Variants in PTPRD observed in about 807,000 individuals in gnomAD.
PTPRD encodes receptor-type tyrosine-protein phosphatase delta.
Under a neutral mutation model 214.5 loss-of-function variants are expected in PTPRD, and 34 were observed. That is an observed-to-expected ratio of 0.16 (90% CI 0.12 to 0.21). The LOEUF (loss-of-function observed/expected upper bound fraction) is 0.21. Ranked by LOEUF, PTPRD falls within the 10% of genes least tolerant of loss-of-function variation. The pLI, the probability that PTPRD is intolerant of heterozygous loss-of-function variation, is 1.00. For missense variants in PTPRD, 2,545 were observed against 2,398.7 expected, an observed-to-expected ratio of 1.06 and a Z score of -1.27; for synonymous variants, 1,128 against 845.7, an observed-to-expected ratio of 1.33 and a Z score of -5.79.
chr9:9,891,438 C>A (rs1277093210), intron 5 of PTPRD, among the ~76,000 whole-genome samples: 1 of 151,190 alleles, frequency 6.6e-6, no homozygotes. Flanking sequence ...TGTCATTTAG[C>A]ATGTAGAGAA....
intron 14 of PTPRD, among the ~76,000 whole-genome samples, chr9:8,578,762 T>C (rs926379454): frequency 6.6e-6 from 1 of 152,238 alleles, no homozygotes; most frequent in Non-Finnish European, 1.5e-5. Context: ...CTGCATATAA[T>C]AGTTATTTAA....
chr9:8,750,515 CAG>C (rs2093412103), intron 11 of PTPRD, among the ~76,000 whole-genome samples: 1 of 151,842 alleles, frequency 6.6e-6, no homozygotes, highest in Non-Finnish European at 1.5e-5. Context: ...AGCAAGTTAA[CAG>C]GGGTAGAAAA....
intron 3 of PTPRD, among the ~76,000 whole-genome samples, chr9:10,289,171 T>C (rs1253311857): frequency 6.6e-6 from 1 of 152,148 alleles, no homozygotes; most frequent in African/African-American, 2.4e-5. Flanking sequence ...ATGAGGTAGG[T>C]TATACAAAGT....
In PTPRD at chr9:8,353,026, G is replaced by A. The variant is rs189184377; in HGVS notation, c.4662-11048C>T. On this transcript the variant is annotated intron_variant, in intron 39 of 45. Coordinates refer to ENST00000381196, the MANE Select transcript of PTPRD (RefSeq NM_002839.4). Reference sequence around the variant, plus strand: ...CTAGGGAGGCTGAGACAGGAGAATCGCTTGAACCCAGAAGGTGGAGGCTGC... The same window carrying A: ...CTAGGGAGGCTGAGACAGGAGAATCACTTGAACCCAGAAGGTGGAGGCTGC... Among the ~76,000 whole-genome samples, 22 of 152,184 alleles carry A rather than the reference G, an allele frequency of 1.4e-4. No homozygotes were observed. The East Asian group carries it at 4.1e-3, about 28-fold the overall frequency.
At chr9:8,584,631 T>C (rs960157275) in intron 14 of PTPRD, among the ~76,000 whole-genome samples, 1 of 152,218 alleles carries the variant, frequency 6.6e-6, no homozygotes, top group African/African-American at 2.4e-5. Context: ...ATTTTTCCAA[T>C]GTTCTAGAGA....
chr9:9,320,671 A>G (rs549795833), intron 9 of PTPRD, among the ~76,000 whole-genome samples: 2 of 152,298 alleles, frequency 1.3e-5, no homozygotes, highest in East Asian at 3.9e-4. Context: ...GTCATAAGAC[A>G]GCAAAACCAT....
chr9:9,715,735 A>T lies in PTPRD; in HGVS notation c.-287+18798T>A, dbSNP rs545027374. Among the ~76,000 whole-genome samples, 7 of 152,282 alleles carry T rather than the reference A, an allele frequency of 4.6e-5. No homozygotes were observed. In the South Asian group the frequency reaches 1.5e-3, roughly 32 times the overall value. ...TCTTTCACTTCAATATTAAAATCCT[A>T]TTTCAAAGAGAGGTTAATCAAAGCT... On this transcript the variant is annotated intron_variant, in intron 7 of 45. Coordinates refer to ENST00000381196, the MANE Select transcript of PTPRD (RefSeq NM_002839.4).
At chr9:9,076,534 A>C (rs527640221) in intron 10 of PTPRD, among the ~76,000 whole-genome samples, 1 of 152,228 alleles carries the variant, frequency 6.6e-6, no homozygotes, top group African/African-American at 2.4e-5. Flanking sequence ...TTCCACAAGT[A>C]AGTGAGAACA....
chr9:9,325,317 T>C (rs529246172), intron 9 of PTPRD, among the ~76,000 whole-genome samples: 5 of 152,146 alleles, frequency 3.3e-5, no homozygotes, highest in South Asian at 2.1e-4. Flanking sequence ...ATTCTTCCTA[T>C]CCATGAGCAT....
chr9:10,250,635 G>T (rs758909761), intron 3 of PTPRD, among the ~76,000 whole-genome samples: 1 of 151,782 alleles, frequency 6.6e-6, no homozygotes. Flanking sequence ...TTACACAGGA[G>T]AAAATAAAAT....
intron 14 of PTPRD, among the ~76,000 whole-genome samples, chr9:8,589,536 T>A (rs189850419): frequency 6.6e-6 from 1 of 152,330 alleles, no homozygotes; most frequent in South Asian, 2.1e-4. Flanking sequence ...ATTAACCATG[T>A]TGAAAACAAG....
At chr9:9,371,367 C>G in intron 9 of PTPRD, among the ~76,000 whole-genome samples, 1 of 152,124 alleles carries the variant, frequency 6.6e-6, no homozygotes, top group Admixed American at 6.6e-5. Context: ...AGGAATTTAT[C>G]CATTTCTTCT....
At chr9:10,490,979 G>C (rs935367003) in intron 2 of PTPRD, among the ~76,000 whole-genome samples, 3 of 151,994 alleles carry the variant, frequency 2.0e-5, no homozygotes, top group African/African-American at 4.8e-5. Flanking sequence ...ATAATCACTA[G>C]ATTTACACAC....
At chr9:8,907,517 C>CAAAAAAAA (rs60277757) in intron 11 of PTPRD, among the ~76,000 whole-genome samples, 1 of 79,682 alleles carries the variant, frequency 1.3e-5, no homozygotes, top group Non-Finnish European at 2.5e-5. Context: ...GACTCCGTCT[C>CAAAAAAAA]AAAAAAAAAA....
intron 11 of PTPRD, among the ~76,000 whole-genome samples, chr9:8,933,340 G>GTTTTTTTTTTTTTTTTTTTTTTTGTTT (rs71317383): frequency 1.2e-5 from 1 of 80,430 alleles, no homozygotes; most frequent in African/African-American, 5.1e-5. Flanking sequence ...CAACCTTGAG[G>GTTTTTTTTTTTTTTTTTTTTTTTGTTT]TTTTTTTTTT....
At chr9:9,863,013 G>A (rs1363226097) in intron 5 of PTPRD, among the ~76,000 whole-genome samples, 1 of 151,940 alleles carries the variant, frequency 6.6e-6, no homozygotes, top group Non-Finnish European at 1.5e-5. Context: ...AATGACAATA[G>A]GAAAAAAAGC....
chr9:8,956,483 A>C (rs1380298307), intron 11 of PTPRD, among the ~76,000 whole-genome samples: 2 of 151,788 alleles, frequency 1.3e-5, no homozygotes, highest in African/African-American at 4.8e-5. Context: ...AACAAAGAAG[A>C]AGCAAATGAA....
intron 11 of PTPRD, among the ~76,000 whole-genome samples, chr9:8,949,120 A>G (rs1272985592): frequency 6.6e-6 from 1 of 151,120 alleles, no homozygotes. Context: ...GCTACTCAGG[A>G]GGCTGAGGCA....
intron 37 of PTPRD, among the ~76,000 whole-genome samples, chr9:8,388,845 A>G (rs1237113707): frequency 6.6e-6 from 1 of 152,226 alleles, no homozygotes; most frequent in African/African-American, 2.4e-5. Context: ...TAAGAAAGAA[A>G]AAGTTGAAAA....
Sources: allele counts gnomAD v4.1 joint callset (sites outside exome capture counted in the v4.1 genomes callset), GRCh38; gene constraint gnomAD v4.1.1; transcripts MANE v1.5; gene names NCBI Gene and HGNC (gene_info 2026-07-23, HGNC 2026-07-21).